The following CDNF variants were observed in gnomAD, a reference collection of about 807,000 sequenced individuals.
CDNF encodes ARMET-like protein 1.
A neutral mutation model predicts 14.8 loss-of-function variants in CDNF; 9 were observed. The observed-to-expected ratio is 0.61, with a 90% confidence interval of 0.37 to 1.06. The LOEUF (loss-of-function observed/expected upper bound fraction) is 1.06. Among genes scored for constraint, CDNF ranks in the 50% least tolerant of loss-of-function variants. The pLI, the probability that CDNF is intolerant of heterozygous loss-of-function variation, is 0.01. For synonymous variants in CDNF, 86 were observed against 87.2 expected (o/e 0.99, Z 0.07); for missense variants, 228 against 228.4 (o/e 1.00, Z 0.01).
intron 1 of CDNF, among the ~76,000 whole-genome samples, chr10:14,831,263 T>C (rs905671275): frequency 1.3e-5 from 2 of 152,144 alleles, no homozygotes; most frequent in Non-Finnish European, 2.9e-5. Flanking sequence ...TCAGATCACC[T>C]GGCTAACAAA....
intron 1 of CDNF, among the ~76,000 whole-genome samples, chr10:14,828,707 A>C (rs1833819840): frequency 6.7e-6 from 1 of 149,828 alleles, no homozygotes. Flanking sequence ...TCCAATGCTA[A>C]GTAAGAATGA....
At chr10:14,833,411 G>C (rs1208890290) in intron 1 of CDNF, among the ~76,000 whole-genome samples, 1 of 152,072 alleles carries the variant, frequency 6.6e-6, no homozygotes, top group African/African-American at 2.4e-5. Flanking sequence ...GCTCTCCTGG[G>C]TCTCCAGCCT....
At position 14,825,597 on chromosome 10, in the gene CDNF, T is replaced by G; in HGVS notation, c.267A>C (p.Lys89Asn). The change falls in exon 3 of 4, where the codon AAA becomes AAC. Residue 89 changes from lysine to asparagine, a missense_variant. Physicochemically the swap from Lys to Asn is moderately conservative, Grantham distance 94. Coordinates refer to ENST00000465530, the MANE Select transcript of CDNF (RefSeq NM_001029954.3). ...CACTTAGGATCTTTGTGGCTGCGTC[T>G]TTTGTGGCTCCTAGATAATAGCACT... ...NRLCYYLGAT[K>N]DAATKILSEV... 6.2e-7 allele frequency: 1 copy of G among 1,614,042 alleles called. No homozygotes were observed. Among genetic ancestry groups the G allele is most frequent in the Non-Finnish European group, 8.5e-7 (1 of 1,179,972 alleles).
chr10:14,834,161 T>C (rs1276357300), intron 1 of CDNF: 1 of 151,988 alleles, frequency 6.6e-6, no homozygotes, highest in African/African-American at 2.4e-5. Context: ...GGCAACATAG[T>C]GAAACTTCAT....
rs763176247 is a variant in CDNF, at chr10:14,820,059, G to A, written c.485C>T (p.Ala162Val). The A allele has an allele frequency of 5.6e-6, 9 of 1,614,026 alleles. No individual in the cohort carries two copies. The highest frequency in any genetic ancestry group is 5.9e-6 in the Non-Finnish European group (7 of 1,179,982). Reference protein sequence around the residue: ...HSWGEECRACAEKTDYVNLIQ... With the variant: ...HSWGEECRACVEKTDYVNLIQ... ...GAGATTCACATAGTCAGTTTTTTCT[G>A]CACAGGCCCTGCACTCCTCCCCCCA... Residue 162 changes from alanine (A) to valine (V), a missense_variant, in exon 4 of 4, where the codon GCA (alanine) becomes GTA (valine). Transcript: ENST00000465530.
chr10:14,828,375 A>C lies in CDNF; in HGVS notation c.116-103T>G, dbSNP rs1833816971. The C allele has an allele frequency of 5.3e-6, 6 of 1,137,536 alleles. No homozygotes were observed. In the South Asian group the frequency reaches 8.8e-5, roughly 17 times the overall value. 70.5% of individuals were successfully genotyped at this position (1,137,536 alleles called of 1,614,324 possible). A position where few individuals can be genotyped will look rare whatever the true frequency, so the allele number is the denominator to read the frequency against. On this transcript the variant is annotated intron_variant, in intron 1 of 3. Coordinates refer to ENST00000465530, the MANE Select transcript of CDNF (RefSeq NM_001029954.3). ...TTTAAAAGTCTATATGGGGCTGGGC[A>C]TGGTGGCTTACCCCTGTAATCCTAG...
At chr10:14,825,349 G>T in intron 3 of CDNF, 130 bp downstream of exon 3, 2 of 875,740 alleles carry the variant, frequency 2.3e-6, no homozygotes, top group Non-Finnish European at 3.6e-6. Flanking sequence ...CCATTCATCA[G>T]CCAAGCAACT....
intron 1 of CDNF, 76 bp from the exon 2 acceptor site, chr10:14,828,348 C>T (rs1245816403): frequency 3.5e-6 from 5 of 1,445,758 alleles, no homozygotes; most frequent in South Asian, 1.2e-5. Context: ...CCACTAACCA[C>T]ATTTAAAAGT....
intron 1 of CDNF, chr10:14,836,275 G>A (rs1439481599): frequency 1.3e-5 from 2 of 152,190 alleles, no homozygotes; most frequent in Non-Finnish European, 2.9e-5. Flanking sequence ...CTTCCTCTGC[G>A]ATTACACAAG....
At chr10:14,833,628 G>C (rs2131628208) in intron 1 of CDNF, among the ~76,000 whole-genome samples, 1 of 152,080 alleles carries the variant, frequency 6.6e-6, no homozygotes. Flanking sequence ...CAGTGAGAAG[G>C]CAGCTAGATA....
At chr10:14,823,568 T>C (rs1833755248) in intron 3 of CDNF, among the ~76,000 whole-genome samples, 2 of 152,174 alleles carry the variant, frequency 1.3e-5, no homozygotes, top group African/African-American at 2.4e-5. Flanking sequence ...ACTCTGCCAC[T>C]CAGGCTGGAG....
chr10:14,820,681 C>T (rs925390433), intron 3 of CDNF, among the ~76,000 whole-genome samples: 4 of 151,848 alleles, frequency 2.6e-5, no homozygotes, highest in Non-Finnish European at 5.9e-5. Context: ...TGCAGTGAGC[C>T]GAGATCACGC....
At chr10:14,820,261 A>G (rs1833726948) in intron 3 of CDNF, 103 bp from the exon 4 acceptor site, 1 of 1,124,358 alleles carries the variant, frequency 8.9e-7, no homozygotes, top group South Asian at 1.5e-5. Context: ...GGTGCTGACT[A>G]CCCTATGATC....
At chr10:14,820,680 C>T (rs1466142237) in intron 3 of CDNF, among the ~76,000 whole-genome samples, 4 of 152,032 alleles carry the variant, frequency 2.6e-5, no homozygotes, top group African/African-American at 9.7e-5. Context: ...TTGCAGTGAG[C>T]CGAGATCACG....
rs1833721786 is a variant in CDNF at position 14,819,788 on chromosome 10, T to G, written c.*192A>C. The G allele has an allele frequency of 1.9e-6, 1 of 535,688 alleles. No homozygotes were observed. Among genetic ancestry groups the G allele is most frequent in the Non-Finnish European group, 3.2e-6 (1 of 311,280 alleles). 33.2% of individuals were successfully genotyped at this position (535,688 alleles called of 1,614,324 possible). A position where few individuals can be genotyped will look rare whatever the true frequency, so the allele number is the denominator to read the frequency against. On this transcript the variant is annotated 3_prime_UTR_variant, in exon 4 of 4. Transcript: ENST00000465530. ...AAGGAACTTTTAGCTTTTGGTACAC[T>G]GCAAATGTAAGTTATCAGTAGTATT...
At chr10:14,820,943 G>C (rs112064807) in intron 3 of CDNF, among the ~76,000 whole-genome samples, 2,219 of 151,680 alleles carry the variant, frequency 0.015, 61 homozygotes, top group African/African-American at 0.05. Flanking sequence ...TCAAAGTGTA[G>C]CACCTCCCCC....
At chr10:14,830,771 G>A (rs185490852) in intron 1 of CDNF, among the ~76,000 whole-genome samples, 8 of 150,320 alleles carry the variant, frequency 5.3e-5, no homozygotes, top group East Asian at 2.0e-4. Flanking sequence ...GCTTGAACCC[G>A]GGAGGCGGAG....
intron 3 of CDNF, among the ~76,000 whole-genome samples, chr10:14,825,047 G>A (rs1323359417): frequency 1.3e-5 from 2 of 151,810 alleles, no homozygotes; most frequent in Non-Finnish European, 2.9e-5. Context: ...TCTGCCTCCC[G>A]GGTTCAAGCG....
chr10:14,837,229 G>A (rs1833899574), intron 1 of CDNF, among the ~76,000 whole-genome samples: 1 of 152,160 alleles, frequency 6.6e-6, no homozygotes, highest in Non-Finnish European at 1.5e-5. Context: ...TCAGAGCTAG[G>A]GGACTTGGTG....
Sources: gnomAD v4.1 joint callset for allele counts (sites outside exome capture counted in the v4.1 genomes callset) on GRCh38, gnomAD v4.1.1 for gene constraint, MANE v1.5 for transcripts, NCBI Gene and HGNC (gene_info 2026-07-23, HGNC 2026-07-21) for gene names.